The following TRPM1 variants were observed in gnomAD, a reference collection of about 807,000 sequenced individuals.
The protein encoded by TRPM1 is transient receptor potential cation channel subfamily M member 1.
A neutral mutation model predicts 149.4 loss-of-function variants in TRPM1; 113 were observed. The ratio of observed to expected loss-of-function variants is 0.76; its 90% CI spans 0.65 to 0.88. TRPM1 has a LOEUF of 0.88. Among genes scored for constraint, TRPM1 ranks in the 40% least tolerant of loss-of-function variants. The pLI is 0.00. For missense variants in TRPM1, 1,976 were observed against 2,038.7 expected, an observed-to-expected ratio of 0.97 and a Z score of 0.59; for synonymous variants, 741 against 759.5, an observed-to-expected ratio of 0.98 and a Z score of 0.40.
intron 1 of TRPM1, among the ~76,000 whole-genome samples, chr15:31,088,515 T>C (rs182875880): frequency 3.3e-5 from 5 of 152,300 alleles, no homozygotes; most frequent in East Asian, 1.9e-4. Flanking sequence ...CGAGCAACTC[T>C]GGATGCGCCA....
At chr15:31,053,823 G>A (rs1203290198) in intron 11 of TRPM1, among the ~76,000 whole-genome samples, 1 of 152,152 alleles carries the variant, frequency 6.6e-6, no homozygotes, top group African/African-American at 2.4e-5. Flanking sequence ...CTAAAACATG[G>A]GAGCAACCCA....
intron 1 of TRPM1, among the ~76,000 whole-genome samples, chr15:31,149,686 A>AT (rs917173971): frequency 2.2e-4 from 33 of 151,896 alleles, no homozygotes; most frequent in Admixed American, 3.3e-4. Context: ...CGCCTGGCTA[A>AT]TTTTTTGTAT....
At chr15:31,086,946 A>G (rs1227421479) in intron 1 of TRPM1, among the ~76,000 whole-genome samples, 2 of 152,202 alleles carry the variant, frequency 1.3e-5, no homozygotes, top group Non-Finnish European at 2.9e-5. Context: ...AGGAAGATGT[A>G]TGAATGGCCA....
rs140349495 is a variant in TRPM1, at chr15:31,143,221, A to G, written c.54+17685T>C. ...GAGATACTATTGGACTGAGTAAGAAAGTCTAAAGTTCAACTGAAGAAACTG... is the reference window on the plus strand; with the variant it reads ...GAGATACTATTGGACTGAGTAAGAAGGTCTAAAGTTCAACTGAAGAAACTG... On this transcript the variant is annotated intron_variant, in intron 1 of 26. Transcript: ENST00000542188. Among the ~76,000 whole-genome samples the G allele has an allele frequency of 3.2e-3, 482 of 152,364 alleles. 2 individuals carry two copies. The highest frequency in any genetic ancestry group is 0.011 in the African/African-American group (463 of 41,588).
At chr15:31,157,739 C>G (rs988648128) in intron 1 of TRPM1, among the ~76,000 whole-genome samples, 45 of 152,084 alleles carry the variant, frequency 3.0e-4, no homozygotes, top group African/African-American at 1.0e-3. Flanking sequence ...GCTGTGCACC[C>G]CAGTTGGTCT....
intron 27 of TRPM1, 148 bp downstream of exon 27, chr15:31,025,991 G>C (rs1279878854): frequency 1.8e-6 from 2 of 1,140,738 alleles, no homozygotes; most frequent in East Asian, 4.8e-5. Context: ...TCACTATTTC[G>C]TGGGAACCAC....
At chr15:31,032,624 G>C in intron 22 of TRPM1, 65 bp downstream of exon 22, 5 of 1,597,402 alleles carry the variant, frequency 3.1e-6, no homozygotes, top group Non-Finnish European at 4.3e-6. Flanking sequence ...CATGCCCAAG[G>C]CCTGTTCTTA....
rs2033455440 is a variant in TRPM1 at position 31,037,703 on chromosome 15, G to T, written c.2571+8C>A. 2 of 1,614,172 alleles carry T rather than the reference G, an allele frequency of 1.2e-6. No homozygotes were observed. The highest frequency in any genetic ancestry group is 1.7e-6 in the Non-Finnish European group (2 of 1,180,038). On this transcript the variant is annotated splice_region_variant and intron_variant, in intron 20 of 27. Transcript: ENST00000256552. Reference sequence around the variant, plus strand: ...ACTGAATGTCAAATGTTCAGGAGGAGGCCTCACTGTGTAAAACCAGAACTT... The same window carrying T: ...ACTGAATGTCAAATGTTCAGGAGGATGCCTCACTGTGTAAAACCAGAACTT...
chr15:31,153,201 T>C (rs1430209745), intron 1 of TRPM1, among the ~76,000 whole-genome samples: 2 of 152,218 alleles, frequency 1.3e-5, no homozygotes, highest in Admixed American at 1.3e-4. Flanking sequence ...GGCACCTTTT[T>C]ATGTCTGATA....
At chr15:31,071,662 C>T (rs1434800159) in intron 3 of TRPM1, among the ~76,000 whole-genome samples, 3 of 151,874 alleles carry the variant, frequency 2.0e-5, no homozygotes, top group Admixed American at 6.6e-5. Flanking sequence ...ATAATCAACC[C>T]ATTTCAAGTA....
intron 1 of TRPM1, among the ~76,000 whole-genome samples, chr15:31,113,667 T>C (rs183161251): frequency 3.9e-5 from 6 of 152,302 alleles, no homozygotes; most frequent in Admixed American, 3.3e-4. Context: ...TTGCCCTCCA[T>C]CACCCACGTT....
At chr15:31,038,358 A>C (rs1314861345) in intron 18 of TRPM1, among the ~76,000 whole-genome samples, 192 bp from the exon 19 acceptor site, 1 of 152,244 alleles carries the variant, frequency 6.6e-6, no homozygotes, top group Non-Finnish European at 1.5e-5. Context: ...ACAATTTAAG[A>C]ACATACACTA....
intron 1 of TRPM1, among the ~76,000 whole-genome samples, chr15:31,096,441 C>T (rs1020664423): frequency 2.0e-5 from 3 of 152,212 alleles, no homozygotes; most frequent in African/African-American, 4.8e-5. Flanking sequence ...CTCCCATCAC[C>T]GGGTCTACCC....
intron 22 of TRPM1, 52 bp downstream of exon 22, chr15:31,032,637 T>C: frequency 6.2e-7 from 1 of 1,612,294 alleles, no homozygotes; most frequent in Non-Finnish European, 8.5e-7. Flanking sequence ...TGTTCTTATG[T>C]CCTAACTACA....
intron 1 of TRPM1, among the ~76,000 whole-genome samples, chr15:31,098,932 C>A (rs1235474184): frequency 6.6e-6 from 1 of 152,084 alleles, no homozygotes; most frequent in South Asian, 2.1e-4. Flanking sequence ...AGTGCTGTGG[C>A]CTGATGTTAA....
At chr15:31,064,096 TAGAC>T (rs1209039528) in intron 7 of TRPM1, among the ~76,000 whole-genome samples, 1 of 152,244 alleles carries the variant, frequency 6.6e-6, no homozygotes, top group Non-Finnish European at 1.5e-5. Flanking sequence ...CCAAGAGCCT[TAGAC>T]AGCCATTTGT....
intron 4 of TRPM1, among the ~76,000 whole-genome samples, 200 bp from the exon 5 acceptor site, chr15:31,068,292 T>G (rs911389508): frequency 1.3e-5 from 2 of 152,138 alleles, no homozygotes; most frequent in Non-Finnish European, 2.9e-5. Context: ...CAAATACAAA[T>G]AAAAGATGCC....
In TRPM1 at chr15:31,038,141, G is replaced by C. The variant is rs566390005; in HGVS notation, c.2342C>G (p.Pro781Arg). The change falls in exon 19 of 28, where the codon CCC becomes CGC. Residue 781 changes from proline to arginine, a missense_variant. This residue lies in a region of TRPM1 where 1,332 missense variants were observed against 1,347.1 expected (regional missense o/e 0.99). Transcript: ENST00000256552. ...GCGAAATTCCAAAAACAAGATGGTG[G>C]GGGGTAGAAGAATCCCCATGATAAC... is the stretch of plus-strand genomic sequence containing the variant. ...LKVIMGILLP[P>R]TILFLEFRTY... 1 of 1,614,058 alleles carries C rather than the reference G, an allele frequency of 6.2e-7. No individual in the cohort carries two copies. The highest frequency in any genetic ancestry group is 1.1e-5 in the South Asian group (1 of 91,068).
At chr15:31,100,454 G>A (rs1330504574) in intron 1 of TRPM1, among the ~76,000 whole-genome samples, 1 of 151,780 alleles carries the variant, frequency 6.6e-6, no homozygotes, top group Admixed American at 6.6e-5. Context: ...CATACACATT[G>A]TATACATGCA....
Sources: gnomAD v4.1 joint callset for allele counts (sites outside exome capture counted in the v4.1 genomes callset) on GRCh38, gnomAD v4.1.1 for gene constraint, gnomAD v4.1.1 regional missense constraint, MANE v1.5 for transcripts, NCBI Gene and HGNC (gene_info 2026-07-23, HGNC 2026-07-21) for gene names.